Variants in SPATA21 observed in about 807,000 individuals in gnomAD.
SPATA21 encodes spermatogenesis associated 21, also known as spermatogenesis-associated protein 21.
SPATA21 carries 47 observed loss-of-function variants against 54.8 expected under a neutral mutation model. That is an observed-to-expected ratio of 0.86 (90% CI 0.68 to 1.09). The LOEUF (loss-of-function observed/expected upper bound fraction) is 1.09. Ranked by LOEUF, SPATA21 falls within the 50% of genes least tolerant of loss-of-function variation. The probability of loss-of-function intolerance (pLI) is 0.00; values close to 1 mark genes in which losing one functional copy is unlikely to be tolerated. For synonymous variants in SPATA21, 245 were observed against 235.3 expected (o/e 1.04, Z -0.38); for missense variants, 599 against 596.4 (o/e 1.00, Z -0.05).
rs1254365622 is a variant in SPATA21 at position 16,437,220 on chromosome 1, T to G, written c.-279A>C. 27 of 152,260 alleles carry G rather than the reference T, an allele frequency of 1.8e-4. No homozygotes were observed. Among genetic ancestry groups the G allele is most frequent in the Admixed American group, 1.8e-3 (27 of 15,276 alleles). The allele number at this position is 152,260 out of a possible 1,614,324, so 9.4% of individuals were successfully genotyped here. ...GCTCTGTCTGAGCCTATACTTTGCC[T>G]GTTGGCTTGAATTGGATTTGTTTGG... On this transcript the variant is annotated 5_prime_UTR_variant, in exon 1 of 13. Coordinates refer to ENST00000335496, the MANE Select transcript of SPATA21 (RefSeq NM_198546.1).
chr1:16,428,001 A>T lies in SPATA21; in HGVS notation c.34+3337T>A. 6.5e-7 allele frequency: 1 copy of T among 1,549,080 alleles called. No homozygotes were observed. The highest frequency in any genetic ancestry group is 2.5e-5 in the East Asian group (1 of 40,662). ...GCTTCTTGCTGCCCACTTCCGAAGC[A>T]TCCGGAAACATGACCTGGACAGAGA... On this transcript the variant is annotated intron_variant, in intron 3 of 12. Coordinates refer to ENST00000335496, the MANE Select transcript of SPATA21 (RefSeq NM_198546.1). The surrounding 1 kb of genome is among the most constrained non-coding windows in gnomAD (Gnocchi z 4.3).
At chr1:16,424,075 CAT>C (rs2086248342) in intron 3 of SPATA21, among the ~76,000 whole-genome samples, 1 of 150,846 alleles carries the variant, frequency 6.6e-6, no homozygotes, top group Non-Finnish European at 1.5e-5. Flanking sequence ...TGGGTGTGTA[CAT>C]ATGTCAAAAT....
chr1:16,408,831 CT>C (rs2085729926), intron 7 of SPATA21: 2 of 282,040 alleles, frequency 7.1e-6, no homozygotes, highest in South Asian at 8.7e-5. Flanking sequence ...GATCGCACCA[CT>C]GCACTCCAGC....
At position 16,399,385 on chromosome 1, in the gene SPATA21, G is replaced by A. The variant is rs2100770022; in HGVS notation, c.1311C>T (p.Asp437=). 1 of 1,614,058 alleles carries A rather than the reference G, an allele frequency of 6.2e-7. No homozygotes were observed. The highest frequency in any genetic ancestry group is 8.5e-7 in the Non-Finnish European group (1 of 1,179,986). ...CTGACTGGAAGAAGGGGCTGCGGAT[G>A]TCAGGATCCAGGCCAGGGGGTGTGC... The part of the protein sequence containing the change: ...DQCTPPGLDP[D]IRSPFFQSGS... Residue 437 remains aspartate, a synonymous_variant, in exon 12 of 13, where the codon GAC becomes GAT. Transcript: ENST00000335496.
At position 16,414,893 on chromosome 1, in the gene SPATA21, CAAAAAA is replaced by C. The variant is rs528947922; in HGVS notation, c.145-4856_145-4851del. Among the ~76,000 whole-genome samples the C allele has an allele frequency of 8.1e-3, 599 of 74,360 alleles. 13 individuals are homozygous for C. Among genetic ancestry groups the C allele is most frequent in the African/African-American group, 0.032 (576 of 17,774 alleles). 48.8% of individuals were successfully genotyped at this position (74,360 alleles called of 152,430 possible). A position where few individuals can be genotyped will look rare whatever the true frequency, so the allele number is the denominator to read the frequency against. ...GGGCAACAAGAGCGAAACCTCATCT[CAAAAAA>C]AAAAAAAAAAAAAGATTCTAGTTGA... On this transcript the variant is annotated intron_variant, in intron 5 of 12. Transcript: ENST00000335496.
chr1:16,425,163 G>A (rs921548382), intron 3 of SPATA21: 11 of 465,012 alleles, frequency 2.4e-5, no homozygotes, highest in South Asian at 6.3e-5. Flanking sequence ...TGCCTCCTTC[G>A]GCCTCCAGAA....
intron 1 of SPATA21, among the ~76,000 whole-genome samples, chr1:16,434,257 AGATAG>A (rs894471298): frequency 6.6e-6 from 1 of 151,896 alleles, no homozygotes; most frequent in Non-Finnish European, 1.5e-5. Flanking sequence ...ATTCATCAGT[AGATAG>A]AAATTGAGGT....
intron 3 of SPATA21, chr1:16,424,839 C>T: frequency 5.2e-6 from 1 of 192,140 alleles, no homozygotes; most frequent in South Asian, 8.3e-5. Flanking sequence ...TATCTGTATA[C>T]AGAACCTGGC....
rs1029020936 is a variant in SPATA21 at position 16,409,521 on chromosome 1, G to A, written c.587+80C>T. On this transcript the variant is annotated intron_variant, in intron 6 of 12. Transcript: ENST00000335496. This position sits in a 1 kb window ranked among gnomAD's most constrained non-coding sequence, Gnocchi z 4.1. ...CACACGAGGGAACAGGCAGGTGCAG[G>A]GACAGGGACCTGCATCCGGGACAAG... 63 of 1,449,174 alleles carry A rather than the reference G, an allele frequency of 4.3e-5. No individual in the cohort carries two copies. The African/African-American group carries it at 8.2e-4, about 19-fold the overall frequency. The allele number at this position is 1,449,174 out of a possible 1,614,324, so 89.8% of individuals were successfully genotyped here. A position where few individuals can be genotyped will look rare whatever the true frequency, so the allele number is the denominator to read the frequency against.
chr1:16,410,769 A>G, intron 5 of SPATA21: 1 of 342,502 alleles, frequency 2.9e-6, no homozygotes, highest in South Asian at 2.2e-5. Context: ...CTGGTCTGGA[A>G]CTCCTGACCT....
In SPATA21 at chr1:16,421,331, A is replaced by G. The variant is rs2086164557; in HGVS notation, c.144+178T>C. ...CATGCATACACACAGGCACAGGCAC[A>G]CACACACACGTGTGCACATCCATGT... On this transcript the variant is annotated intron_variant, in intron 5 of 12. Transcript: ENST00000335496. The surrounding 1 kb of genome is among the most constrained non-coding windows in gnomAD (Gnocchi z 5.2). Among the ~76,000 whole-genome samples the G allele has an allele frequency of 6.6e-6, 1 of 152,020 alleles. No homozygotes were observed. The highest frequency in any genetic ancestry group is 1.5e-5 in the Non-Finnish European group (1 of 68,002).
At chr1:16,408,018 C>T (rs1442391453) in intron 7 of SPATA21, among the ~76,000 whole-genome samples, 4 of 130,670 alleles carry the variant, frequency 3.1e-5, no homozygotes, top group Non-Finnish European at 7.1e-5. Context: ...CCTCCTGCCT[C>T]AGGCTCCCAA....
intron 7 of SPATA21, among the ~76,000 whole-genome samples, chr1:16,407,521 G>A (rs533420671): frequency 1.1e-4 from 17 of 148,992 alleles, no homozygotes; most frequent in African/African-American, 3.5e-4. Flanking sequence ...GTGCAGTAGC[G>A]CGATCTTGGC....
At chr1:16,402,386 C>G (rs184812662) in intron 10 of SPATA21, among the ~76,000 whole-genome samples, 1 of 150,230 alleles carries the variant, frequency 6.7e-6, no homozygotes, top group Non-Finnish European at 1.5e-5. Context: ...CTCAGCCTCC[C>G]GAGTAGCTGG....
Position 16,410,004 on chromosome 1 carries a change from C to A in SPATA21, c.184G>T (p.Ala62Ser), listed in dbSNP as rs2085787951. 1 of 1,586,826 alleles carries A rather than the reference C, an allele frequency of 6.3e-7. No individual in the cohort carries two copies. The highest frequency in any genetic ancestry group is 1.3e-5 in the African/African-American group (1 of 74,192). ...GCGGGCTTCTGAGGCTGCTGCTGCGCACGGTCTGGCTCCCGCCTCTCTCCA... is the reference window on the plus strand; with the variant it reads ...GCGGGCTTCTGAGGCTGCTGCTGCGAACGGTCTGGCTCCCGCCTCTCTCCA... Reference protein sequence around the residue: ...DIGERREPDRAQQQPQKPAVA... With the variant: ...DIGERREPDRSQQQPQKPAVA... Residue 62 changes from alanine (A) to serine (S), a missense_variant, in exon 6 of 13, where the codon GCG becomes TCG. Ala to Ser is a moderately conservative substitution (Grantham distance 99, BLOSUM62 1). Coordinates refer to ENST00000335496, the MANE Select transcript of SPATA21 (RefSeq NM_198546.1).
chr1:16,431,439 AT>A lies in SPATA21; in HGVS notation c.-51-18del. 1 of 1,600,440 alleles carries A rather than the reference AT, an allele frequency of 6.2e-7. No individual in the cohort carries two copies. The highest frequency in any genetic ancestry group is 8.5e-7 in the Non-Finnish European group (1 of 1,172,584). On this transcript the variant is annotated intron_variant, in intron 2 of 12. Transcript: ENST00000335496. ...AGTGTGCTCCTACAGGAGAAATCCA[AT>A]CAAGCGTCCCACCAAGCCCATCACC...
rs2086159908 is a variant in SPATA21, at chr1:16,421,169, C to G, written c.144+340G>C. Among the ~76,000 whole-genome samples, 3 of 152,040 alleles carry G rather than the reference C, an allele frequency of 2.0e-5. No individual in the cohort carries two copies. The highest frequency in any genetic ancestry group is 7.2e-5 in the African/African-American group (3 of 41,402). On this transcript the variant is annotated intron_variant, in intron 5 of 12. Coordinates refer to ENST00000335496, the MANE Select transcript of SPATA21 (RefSeq NM_198546.1). The surrounding 1 kb of genome is among the most constrained non-coding windows in gnomAD (Gnocchi z 5.2). Reference sequence around the variant, plus strand: ...GAAGCCTCCCAGGTGTTCAGGGATGCTTTGGATTGTGTGGCTGTGGCCGAG... The same window carrying G: ...GAAGCCTCCCAGGTGTTCAGGGATGGTTTGGATTGTGTGGCTGTGGCCGAG...
chr1:16,395,951 G>A (rs1199269632), downstream of SPATA21: 1 of 152,660 alleles, frequency 6.6e-6, no homozygotes, highest in Non-Finnish European at 1.5e-5. Flanking sequence ...AGCCTGGGGA[G>A]GGTGCCAACC....
chr1:16,400,594 C>G, intron 11 of SPATA21, 126 bp downstream of exon 11: 25 of 1,494,666 alleles, frequency 1.7e-5, no homozygotes, highest in Non-Finnish European at 2.2e-5. Context: ...CAGTTAAGCC[C>G]GAAGTGGGAA....
Sources: gnomAD v4.1 joint callset for allele counts (sites outside exome capture counted in the v4.1 genomes callset) on GRCh38, gnomAD v4.1.1 for gene constraint, Gnocchi (gnomAD v3.1) non-coding constraint, MANE v1.5 for transcripts, NCBI Gene and HGNC (gene_info 2026-07-23, HGNC 2026-07-21) for gene names.